Variants in ONECUT2 observed in about 807,000 individuals in gnomAD.
ONECUT2 encodes the protein one cut homeobox 2, also known as one cut domain family member 2.
Under a neutral mutation model 27.9 loss-of-function variants are expected in ONECUT2, and 10 were observed. The ratio of observed to expected loss-of-function variants is 0.36; its 90% CI spans 0.22 to 0.61. The LOEUF is 0.61. Among genes scored for constraint, ONECUT2 ranks in the 20% least tolerant of loss-of-function variants. The pLI is 0.73. For missense variants in ONECUT2, 686 were observed against 721.0 expected, an observed-to-expected ratio of 0.95 and a Z score of 0.56; for synonymous variants, 334 against 315.1, an observed-to-expected ratio of 1.06 and a Z score of -0.64.
At chr18:57,443,143 T>C (rs1385601203) in intron 1 of ONECUT2, among the ~76,000 whole-genome samples, 1 of 152,086 alleles carries the variant, frequency 6.6e-6, no homozygotes, top group Non-Finnish European at 1.5e-5. Context: ...TCATGAAAAG[T>C]GGTATCATGG....
At chr18:57,468,600 G>A (rs1181191021) in intron 1 of ONECUT2, among the ~76,000 whole-genome samples, 1 of 152,186 alleles carries the variant, frequency 6.6e-6, no homozygotes, top group African/African-American at 2.4e-5. Context: ...TCCCAGGTGG[G>A]TGATCAGTGC....
chr18:57,474,543 T>C (rs1005790932), intron 1 of ONECUT2, among the ~76,000 whole-genome samples: 61 of 152,212 alleles, frequency 4.0e-4, no homozygotes, highest in African/African-American at 1.4e-3. Context: ...TTTCTCACTG[T>C]GTCCTCCCGT....
At chr18:57,453,520 G>T (rs1385309862) in intron 1 of ONECUT2, among the ~76,000 whole-genome samples, 1 of 1,696 alleles carries the variant, frequency 5.9e-4, no homozygotes, top group East Asian at 0.038. Flanking sequence ...ACATGAAATG[G>T]CGTCCTACGA....
chr18:57,437,625 G>C (rs561760652), intron 1 of ONECUT2, among the ~76,000 whole-genome samples: 1 of 152,278 alleles, frequency 6.6e-6, no homozygotes, highest in East Asian at 1.9e-4. Flanking sequence ...TGAGGGGCTC[G>C]GGCCAGCTCC....
At chr18:57,456,580 G>A (rs2050260758) in intron 1 of ONECUT2, among the ~76,000 whole-genome samples, 1 of 152,188 alleles carries the variant, frequency 6.6e-6, no homozygotes, top group African/African-American at 2.4e-5. Flanking sequence ...GTGCTTGCCA[G>A]GTGCCTGAGA....
In ONECUT2 at chr18:57,435,664, C is replaced by A. The variant is rs1321737900; in HGVS notation, c.-53C>A. On this transcript the variant is annotated 5_prime_UTR_variant, in exon 1 of 2. Coordinates refer to ENST00000491143, the MANE Select transcript of ONECUT2 (RefSeq NM_004852.3). ...CGAGCCCCGCCACGCGCGCCTTGCCCGCCCGCCGGCCGCCCCCGCCGCCCC... is the reference window on the plus strand; with the variant it reads ...CGAGCCCCGCCACGCGCGCCTTGCCAGCCCGCCGGCCGCCCCCGCCGCCCC... 2.4e-5 allele frequency: 24 copies of A among 1,010,694 alleles called. No homozygotes were observed. The highest frequency in any genetic ancestry group is 2.4e-5 in the Non-Finnish European group (20 of 840,904). 62.6% of individuals were successfully genotyped at this position (1,010,694 alleles called of 1,614,324 possible). A position where few individuals can be genotyped will look rare whatever the true frequency, so the allele number is the denominator to read the frequency against.
chr18:57,462,885 C>G (rs1016849011), intron 1 of ONECUT2, among the ~76,000 whole-genome samples: 1 of 151,838 alleles, frequency 6.6e-6, no homozygotes, highest in Non-Finnish European at 1.5e-5. Context: ...GCATCTGCCA[C>G]CACGCCTGGC....
rs116211470 is a variant in ONECUT2, at chr18:57,449,117, A to G, written c.1228+12173A>G. Reference sequence around the variant, plus strand: ...CCAAATCCTCTCCTGCCTTCTCAGGACCCCATGCTTCCTGTATATAGATGT... The same window carrying G: ...CCAAATCCTCTCCTGCCTTCTCAGGGCCCCATGCTTCCTGTATATAGATGT... On this transcript the variant is annotated intron_variant, in intron 1 of 1. Coordinates refer to ENST00000491143, the MANE Select transcript of ONECUT2 (RefSeq NM_004852.3). Among the ~76,000 whole-genome samples the G allele has an allele frequency of 2.6e-3, 390 of 152,224 alleles. 1 individual carries two copies. Among genetic ancestry groups the G allele is most frequent in the African/African-American group, 9.0e-3 (374 of 41,534 alleles).
intron 1 of ONECUT2, among the ~76,000 whole-genome samples, chr18:57,465,250 C>A (rs1440082776): frequency 6.6e-6 from 1 of 152,178 alleles, no homozygotes; most frequent in Non-Finnish European, 1.5e-5. Context: ...ACAGTCTCAA[C>A]CCTCTGGGCT....
In ONECUT2 at chr18:57,483,702, A is replaced by G. The variant is rs529420590; in HGVS notation, c.*6979A>G. On this transcript the variant is annotated 3_prime_UTR_variant, in exon 2 of 2. Transcript: ENST00000491143. The stretch of plus-strand genomic sequence containing the variant: ...AGACAGGGAAGAAATACAGGTTACA[A>G]AAAGAGAATTTGGGATATTCTTCCC... 2 of 152,638 alleles carry G rather than the reference A, an allele frequency of 1.3e-5. No individual in the cohort carries two copies. The highest frequency in any genetic ancestry group is 2.9e-5 in the Non-Finnish European group (2 of 68,038). 9.5% of individuals were successfully genotyped at this position (152,638 alleles called of 1,614,324 possible).
chr18:57,454,233 T>C (rs1401460148), intron 1 of ONECUT2, among the ~76,000 whole-genome samples: 1 of 152,216 alleles, frequency 6.6e-6, no homozygotes, highest in Non-Finnish European at 1.5e-5. Context: ...TGCATACAGA[T>C]GCTTAGAATA....
chr18:57,468,855 A>G (rs1310189075), intron 1 of ONECUT2, among the ~76,000 whole-genome samples: 2 of 152,168 alleles, frequency 1.3e-5, no homozygotes. Flanking sequence ...AATTCAAGGA[A>G]TCTTATTATT....
At chr18:57,452,624 C>T (rs112023976) in intron 1 of ONECUT2, among the ~76,000 whole-genome samples, 4 of 152,270 alleles carry the variant, frequency 2.6e-5, no homozygotes, top group South Asian at 4.1e-4. Context: ...GGGGTTTTGC[C>T]ATGTTGGCCA....
chr18:57,469,070 G>T, intron 1 of ONECUT2, among the ~76,000 whole-genome samples: 1 of 152,192 alleles, frequency 6.6e-6, no homozygotes, highest in East Asian at 1.9e-4. Context: ...AGGTACAAAT[G>T]TGAACCTACT....
Position 57,436,001 on chromosome 18 carries a change from AGCG to A in ONECUT2, c.291_293del (p.Ala101del). The A allele has an allele frequency of 6.7e-7, 1 of 1,491,802 alleles. No homozygotes were observed. Among genetic ancestry groups the A allele is most frequent in the Non-Finnish European group, 8.9e-7 (1 of 1,124,704 alleles). 92.4% of individuals were successfully genotyped at this position (1,491,802 alleles called of 1,614,324 possible). ...CGCACCAGGAGCTGGGCACGGCGGCAGCGGCGGCAGCGGCGGCGTCGCGCTCGG... is the reference window on the plus strand; with the variant it reads ...CGCACCAGGAGCTGGGCACGGCGGCAGCGGCAGCGGCGGCGTCGCGCTCGG... On this transcript the variant is annotated inframe_deletion, in exon 1 of 2. Transcript: ENST00000491143. The surrounding 1 kb of genome is among the most constrained non-coding windows in gnomAD (Gnocchi z 5.9).
intron 1 of ONECUT2, among the ~76,000 whole-genome samples, chr18:57,437,328 C>G (rs1293402596): frequency 6.6e-6 from 1 of 152,156 alleles, no homozygotes; most frequent in Non-Finnish European, 1.5e-5. Flanking sequence ...CCCACAGAAA[C>G]CAGGACCTGC....
rs749106656 is a variant in ONECUT2, at chr18:57,436,361, G to A, written c.645G>A (p.Lys215=). The change falls in exon 1 of 2, where the codon AAG becomes AAA. Residue 215 remains lysine, a synonymous_variant. Coordinates refer to ENST00000491143, the MANE Select transcript of ONECUT2 (RefSeq NM_004852.3). This position sits in a 1 kb window ranked among gnomAD's most constrained non-coding sequence, Gnocchi z 5.9. ...PAMNNLYSPY[K]EMPGMSQSLS... The stretch of plus-strand genomic sequence containing the variant: ...TGAACAACCTCTACAGTCCCTACAA[G>A]GAGATGCCCGGCATGAGCCAGAGCC... 2.5e-6 allele frequency: 4 copies of A among 1,607,112 alleles called. No individual in the cohort carries two copies. The highest frequency in any genetic ancestry group is 2.2e-5 in the South Asian group (2 of 91,064).
At position 57,491,254 on chromosome 18, in the gene ONECUT2, G is replaced by A. The variant is rs200354458; in HGVS notation, c.*14531G>A. On this transcript the variant is annotated 3_prime_UTR_variant, in exon 2 of 2. Transcript: ENST00000491143. ...ATTCCTATCATTAAATGGTAGTGCTGTAAATTCTGCAATTAATGTTAAATA... is the reference window on the plus strand; with the variant it reads ...ATTCCTATCATTAAATGGTAGTGCTATAAATTCTGCAATTAATGTTAAATA... 2.7e-5 allele frequency: 2 copies of A among 73,148 alleles called. No individual in the cohort carries two copies. Among genetic ancestry groups the A allele is most frequent in the Admixed American group, 3.6e-4 (2 of 5,488 alleles). 4.5% of individuals were successfully genotyped at this position (73,148 alleles called of 1,614,324 possible).
chr18:57,454,198 T>A (rs2050246357), intron 1 of ONECUT2, among the ~76,000 whole-genome samples: 1 of 152,174 alleles, frequency 6.6e-6, no homozygotes, highest in Non-Finnish European at 1.5e-5. Context: ...CATTGTAAGG[T>A]TATTGTGAGC....
Sources: gnomAD v4.1 joint callset for allele counts (sites outside exome capture counted in the v4.1 genomes callset) on GRCh38, gnomAD v4.1.1 for gene constraint, Gnocchi (gnomAD v3.1) non-coding constraint, MANE v1.5 for transcripts, NCBI Gene and HGNC (gene_info 2026-07-23, HGNC 2026-07-21) for gene names.